Variants in AKAP6 observed in about 807,000 individuals in gnomAD.
The protein encoded by AKAP6 is A-kinase anchoring protein 6, also known as A-kinase anchor protein 6.
A neutral mutation model predicts 188.5 loss-of-function variants in AKAP6; 58 were observed. The observed-to-expected ratio is 0.31, with a 90% CI of 0.25 to 0.38. The LOEUF is 0.38. Among genes scored for constraint, AKAP6 ranks in the 10% least tolerant of loss-of-function variants. AKAP6 has a pLI of 1.00. For missense variants in AKAP6, 2,710 were observed against 2,740.0 expected (o/e 0.99, Z 0.24); for synonymous variants, 989 against 998.6 (o/e 0.99, Z 0.18).
intron 3 of AKAP6, among the ~76,000 whole-genome samples, chr14:32,540,454 C>T (rs1263248574): frequency 6.6e-6 from 1 of 152,004 alleles, no homozygotes; most frequent in Non-Finnish European, 1.5e-5. Context: ...CTGCCTCATC[C>T]TCTCAAAGTG....
intron 2 of AKAP6, among the ~76,000 whole-genome samples, chr14:32,465,029 C>A (rs372479402): frequency 3.1e-4 from 47 of 152,222 alleles, no homozygotes; most frequent in African/African-American, 1.0e-3. Flanking sequence ...ATAAAACTTA[C>A]AAGGGATGCG....
At chr14:32,739,839 G>C (rs999676443) in intron 11 of AKAP6, among the ~76,000 whole-genome samples, 14 of 152,134 alleles carry the variant, frequency 9.2e-5, no homozygotes, top group African/African-American at 3.4e-4. Context: ...AAATATGAGA[G>C]TGCAGAAATT....
chr14:32,565,712 A>G (rs1255595837), intron 4 of AKAP6, among the ~76,000 whole-genome samples: 1 of 152,206 alleles, frequency 6.6e-6, no homozygotes, highest in Non-Finnish European at 1.5e-5. Context: ...ACTACAGAGC[A>G]TGTTGTCTGT....
intron 2 of AKAP6, among the ~76,000 whole-genome samples, chr14:32,517,047 A>C (rs1050429523): frequency 1.3e-5 from 2 of 152,226 alleles, no homozygotes; most frequent in African/African-American, 2.4e-5. Context: ...ACTGCAGTGA[A>C]TCAAAAGTGG....
intron 4 of AKAP6, among the ~76,000 whole-genome samples, chr14:32,564,910 G>C (rs1371096553): frequency 2.0e-5 from 3 of 152,136 alleles, no homozygotes; most frequent in African/African-American, 7.2e-5. Flanking sequence ...ATCCTTGAGA[G>C]ACTTTGAGGA....
Position 32,786,296 on chromosome 14 carries a change from A to ATTTT in AKAP6, c.3588+12404_3588+12405insTTTT. Among the ~76,000 whole-genome samples, 17 of 93,704 alleles carry ATTTT rather than the reference A, an allele frequency of 1.8e-4. 1 individual carries two copies. Among genetic ancestry groups the ATTTT allele is most frequent in the South Asian group, 3.7e-4 (1 of 2,696 alleles). 61.5% of individuals were successfully genotyped at this position (93,704 alleles called of 152,430 possible). The stretch of plus-strand genomic sequence containing the variant: ...AGCCCTCTGAAAGACCTAAACCTTT[A>ATTTT]TCTTTTTTTTTTTTTTTTTTTTTTT... On this transcript the variant is annotated intron_variant, in intron 12 of 13. Transcript: ENST00000280979.
chr14:32,642,820 A>G (rs976970332), intron 7 of AKAP6, among the ~76,000 whole-genome samples: 1 of 152,176 alleles, frequency 6.6e-6, no homozygotes, highest in Non-Finnish European at 1.5e-5. Flanking sequence ...AACATTACTC[A>G]GGTAAATCCC....
chr14:32,778,019 ACAGT>A (rs2033121475), intron 12 of AKAP6, among the ~76,000 whole-genome samples: 1 of 152,234 alleles, frequency 6.6e-6, no homozygotes, highest in Admixed American at 6.5e-5. Context: ...AGCCTGGATG[ACAGT>A]CAGACCCTGT....
At chr14:32,707,180 TATTTA>T (rs1259192350) in intron 9 of AKAP6, among the ~76,000 whole-genome samples, 2 of 109,492 alleles carry the variant, frequency 1.8e-5, no homozygotes, top group Middle Eastern at 5.1e-3. Context: ...AGTATTAACT[TATTTA>T]ATTTAAAAAA....
At chr14:32,761,848 A>G (rs181851535) in intron 11 of AKAP6, among the ~76,000 whole-genome samples, 1 of 152,206 alleles carries the variant, frequency 6.6e-6, no homozygotes, top group Non-Finnish European at 1.5e-5. Flanking sequence ...AATACCCAAG[A>G]TCTATTAAAA....
intron 12 of AKAP6, among the ~76,000 whole-genome samples, chr14:32,816,195 G>A (rs2034373167): frequency 6.6e-6 from 1 of 151,920 alleles, no homozygotes; most frequent in Non-Finnish European, 1.5e-5. Flanking sequence ...TATATGGTTT[G>A]TTTGTTTGTT....
rs369118703 is a variant in AKAP6 at position 32,822,425 on chromosome 14, C to A, written c.4612C>A (p.Arg1538Ser). Residue 1538 changes from arginine to serine, a missense_variant, in exon 13 of 14, where the codon CGC (arginine) becomes AGC (serine). Physicochemically the swap from Arg to Ser is moderately radical, Grantham distance 110 (BLOSUM62 -1). This residue lies in a region of AKAP6 where 2,473 missense variants were observed against 2,426.1 expected (regional missense o/e 1.02). Coordinates refer to ENST00000280979, the MANE Select transcript of AKAP6 (RefSeq NM_004274.5). ...ILASASHEMD[R>S]ISYKSGNIEK... ...GGCAAGTGCATCTCATGAAATGGAT[C>A]GCATTTCATATAAAAGTGGCAATAT... The A allele has an allele frequency of 2.0e-5, 32 of 1,613,764 alleles. No homozygotes were observed. The highest frequency in any genetic ancestry group is 5.0e-5 in the Admixed American group (3 of 59,938).
Position 32,404,712 on chromosome 14 carries a change from T to TATATATATATATATATATA in AKAP6, c.-34-28747_-34-28746insTATATATATATATATATAA, listed in dbSNP as rs1491351629. 2.2e-3 allele frequency among the ~76,000 whole-genome samples: 23 copies of TATATATATATATATATATA among 10,526 alleles called. 1 individual carries two copies. Among genetic ancestry groups the TATATATATATATATATATA allele is most frequent in the Non-Finnish European group, 5.4e-3 (21 of 3,856 alleles). The allele number at this position is 10,526 out of a possible 152,430, so 6.9% of individuals were successfully genotyped here. ...AGGAGATATATATATATATATATAT[T>TATATATATATATATATATA]AGTCAGAATGTCAGCAGGAAATAGT... On this transcript the variant is annotated intron_variant, in intron 1 of 13. Transcript: ENST00000280979.
At chr14:32,519,134 A>T (rs902779986) in intron 2 of AKAP6, among the ~76,000 whole-genome samples, 2 of 152,196 alleles carry the variant, frequency 1.3e-5, no homozygotes, top group Non-Finnish European at 2.9e-5. Flanking sequence ...CTTTACAGAC[A>T]AGCAAATGCT....
rs765988445 is a variant in AKAP6 at position 32,741,018 on chromosome 14, C to CTT, written c.3372+5148_3372+5149dup. ...GAAAATGGAGTGTCTTTCCTTTTTT[C>CTT]TTTTTTTTTTTTTGTGTGTGTTCTC... is the stretch of plus-strand genomic sequence containing the variant. On this transcript the variant is annotated intron_variant, in intron 11 of 13. Coordinates refer to ENST00000280979, the MANE Select transcript of AKAP6 (RefSeq NM_004274.5). Among the ~76,000 whole-genome samples the CTT allele has an allele frequency of 1.1e-3, 148 of 136,744 alleles. No homozygotes were observed. The South Asian group carries it at 0.013, about 12-fold the overall frequency. The allele number at this position is 136,744 out of a possible 152,430, so 89.7% of individuals were successfully genotyped here.
chr14:32,437,688 T>C (rs1320032863), intron 2 of AKAP6, among the ~76,000 whole-genome samples: 1 of 151,800 alleles, frequency 6.6e-6, no homozygotes, highest in Non-Finnish European at 1.5e-5. Flanking sequence ...CCTTTGACCC[T>C]CAGGCTCAAG....
In AKAP6 at chr14:32,491,174, G is replaced by C. The variant is rs556003799; in HGVS notation, c.325-44380G>C. Among the ~76,000 whole-genome samples, 9 of 152,114 alleles carry C rather than the reference G, an allele frequency of 5.9e-5. No homozygotes were observed. The South Asian group carries it at 1.9e-3, about 32-fold the overall frequency. On this transcript the variant is annotated intron_variant, in intron 2 of 13. Transcript: ENST00000280979. ...TGTATCCCACCAGATGCTTCCTCCT[G>C]GTTTAATCAATTACCCATGCCAAGA...
At chr14:32,669,863 G>A (rs967831934) in intron 7 of AKAP6, among the ~76,000 whole-genome samples, 2 of 152,138 alleles carry the variant, frequency 1.3e-5, no homozygotes, top group African/African-American at 4.8e-5. Flanking sequence ...TTGGGAGGCT[G>A]AGATGGGCAG....
chr14:32,791,654 G>T (rs2033613523), intron 12 of AKAP6, among the ~76,000 whole-genome samples: 2 of 152,106 alleles, frequency 1.3e-5, no homozygotes. Flanking sequence ...TTTGGCTTTT[G>T]TTGCAATTGC....
Sources: allele counts gnomAD v4.1 joint callset (sites outside exome capture counted in the v4.1 genomes callset), GRCh38; gene constraint gnomAD v4.1.1; regional missense constraint gnomAD v4.1.1; transcripts MANE v1.5; gene names NCBI Gene and HGNC (gene_info 2026-07-23, HGNC 2026-07-21).